Variants in BANP observed in about 807,000 individuals in gnomAD.
The protein encoded by BANP is BTG3 associated nuclear protein.
A neutral mutation model predicts 68.1 loss-of-function variants in BANP; 11 were observed. The observed-to-expected ratio is 0.16, with a 90% CI of 0.10 to 0.27. The LOEUF (loss-of-function observed/expected upper bound fraction) is 0.27, where lower values mean the gene tolerates loss of function less well. Among genes scored for constraint, BANP ranks in the 10% least tolerant of loss-of-function variants. The pLI, the probability that BANP is intolerant of heterozygous loss-of-function variation, is 1.00. For synonymous variants in BANP, 329 were observed against 303.2 expected, an observed-to-expected ratio of 1.09 and a Z score of -0.88; for missense variants, 504 against 722.7, an observed-to-expected ratio of 0.70 and a Z score of 3.47.
intron 11 of BANP, among the ~76,000 whole-genome samples, chr16:88,047,490 G>GC (rs2082297900): frequency 6.6e-6 from 1 of 152,208 alleles, no homozygotes; most frequent in African/African-American, 2.4e-5. Context: ...GGAACAGGGT[G>GC]CATGTTTGTT....
intron 11 of BANP, among the ~76,000 whole-genome samples, chr16:88,058,951 C>G (rs1311999932): frequency 1.3e-5 from 2 of 152,114 alleles, no homozygotes; most frequent in African/African-American, 2.4e-5. Context: ...CCTGGTGGGC[C>G]CCTGAGCCGC....
chr16:87,997,627 C>G (rs1349156980), intron 4 of BANP, among the ~76,000 whole-genome samples: 4 of 148,788 alleles, frequency 2.7e-5, no homozygotes, highest in Admixed American at 2.7e-4. Flanking sequence ...GAGACCATGT[C>G]TTCATGGTAA....
chr16:88,058,976 G>A (rs1441018499), intron 11 of BANP, among the ~76,000 whole-genome samples: 2 of 151,962 alleles, frequency 1.3e-5, no homozygotes, highest in Non-Finnish European at 2.9e-5. Context: ...CCTGCTTTCG[G>A]CAGCTGCTCC....
intron 7 of BANP, among the ~76,000 whole-genome samples, chr16:88,021,345 C>A (rs1317315174): frequency 6.6e-6 from 1 of 152,186 alleles, no homozygotes; most frequent in East Asian, 1.9e-4. Context: ...GGCTCCTGGG[C>A]TTGCTCACAG....
At chr16:87,967,734 G>A (rs1251042891) in intron 1 of BANP, among the ~76,000 whole-genome samples, 4 of 151,548 alleles carry the variant, frequency 2.6e-5, no homozygotes, top group African/African-American at 7.3e-5. Flanking sequence ...TGATTCTGCT[G>A]CCTCAGCCTC....
chr16:88,076,351 C>CGGGCCG (rs1304428928), intron 13 of BANP, among the ~76,000 whole-genome samples: 4 of 152,104 alleles, frequency 2.6e-5, no homozygotes, highest in Admixed American at 2.6e-4. Flanking sequence ...ATGTCGGGGG[C>CGGGCCG]GGGCCGGGGC....
At chr16:87,973,359 G>T (rs910244470) in intron 1 of BANP, among the ~76,000 whole-genome samples, 1 of 151,892 alleles carries the variant, frequency 6.6e-6, no homozygotes, top group African/African-American at 2.4e-5. Flanking sequence ...CTATTTTATT[G>T]ATCGTATATT....
At chr16:88,044,332 A>G (rs1312710313) in intron 11 of BANP, among the ~76,000 whole-genome samples, 2 of 152,172 alleles carry the variant, frequency 1.3e-5, no homozygotes, top group African/African-American at 4.8e-5. Context: ...CCACAGGACA[A>G]CAGGCCACAG....
chr16:88,045,581 C>T (rs1270205755), intron 11 of BANP, among the ~76,000 whole-genome samples: 2 of 152,138 alleles, frequency 1.3e-5, no homozygotes, highest in Non-Finnish European at 2.9e-5. Context: ...GAAGCGCTCC[C>T]CTCACTCCCC....
At chr16:88,061,592 A>G (rs1006615572) in intron 11 of BANP, among the ~76,000 whole-genome samples, 1 of 152,104 alleles carries the variant, frequency 6.6e-6, no homozygotes, top group African/African-American at 2.4e-5. Flanking sequence ...TTCTTGTAGG[A>G]ACGTAGGAGA....
intron 7 of BANP, 70 bp from the exon 8 acceptor site, chr16:88,027,413 T>C (rs2077220053): frequency 6.3e-7 from 1 of 1,579,816 alleles, no homozygotes; most frequent in South Asian, 1.1e-5. Flanking sequence ...GCCCCGGCCC[T>C]GCAGCCAGGC....
At chr16:88,041,515 T>A (rs753677567) in intron 11 of BANP, among the ~76,000 whole-genome samples, 9 of 152,224 alleles carry the variant, frequency 5.9e-5, no homozygotes, top group Non-Finnish European at 1.0e-4. Flanking sequence ...ATCGCCTGAT[T>A]TGAAGCTATG....
intron 13 of BANP, among the ~76,000 whole-genome samples, chr16:88,074,965 A>G (rs959431644): frequency 1.4e-4 from 21 of 152,332 alleles, no homozygotes; most frequent in African/African-American, 5.1e-4. Flanking sequence ...GTGCTTTGTG[A>G]GGCCGAGGCA....
intron 13 of BANP, 83 bp downstream of exon 13, chr16:88,072,295 C>CT: frequency 6.8e-7 from 1 of 1,477,410 alleles, no homozygotes; most frequent in Non-Finnish European, 9.0e-7. Context: ...GGCCCCGGGG[C>CT]TTTCTCGTGA....
chr16:87,978,449 G>A, intron 2 of BANP: 1 of 349,442 alleles, frequency 2.9e-6, no homozygotes, highest in East Asian at 7.5e-5. Context: ...GGCCTTGTGT[G>A]ATGACCGGTT....
intron 2 of BANP, chr16:87,978,579 G>A (rs1598023292): frequency 2.1e-6 from 1 of 469,314 alleles, no homozygotes; most frequent in East Asian, 6.9e-5. Context: ...AGGCTTAGGT[G>A]GAGATGGTTG....
intron 9 of BANP, among the ~76,000 whole-genome samples, 182 bp downstream of exon 9, chr16:88,033,427 G>T (rs2152743443): frequency 6.6e-6 from 1 of 152,264 alleles, no homozygotes; most frequent in African/African-American, 2.4e-5. Flanking sequence ...CATTTCACAG[G>T]TGGGGGCGGC....
chr16:87,983,705 G>C (rs1321260337), intron 3 of BANP, among the ~76,000 whole-genome samples: 2 of 152,016 alleles, frequency 1.3e-5, no homozygotes, highest in Admixed American at 6.5e-5. Flanking sequence ...GGTGTAATCT[G>C]TTTTTATTGT....
At chr16:88,033,077 G>A (rs553158405) in intron 8 of BANP, 32 bp from the exon 9 acceptor site, 34 of 1,558,944 alleles carry the variant, frequency 2.2e-5, no homozygotes, top group African/African-American at 5.4e-5. Flanking sequence ...GAAACTTCTC[G>A]TTCACCCCGT....
Sources: allele counts gnomAD v4.1 joint callset (sites outside exome capture counted in the v4.1 genomes callset), GRCh38; gene constraint gnomAD v4.1.1; transcripts MANE v1.5; gene names NCBI Gene and HGNC (gene_info 2026-07-23, HGNC 2026-07-21).